Variants in CSMD1 observed in about 807,000 individuals in gnomAD.
CSMD1 encodes CUB and sushi domain-containing protein 1.
CSMD1 carries 213 observed loss-of-function variants against 417.5 expected under a neutral mutation model. The observed-to-expected ratio is 0.51, with a 90% confidence interval of 0.46 to 0.57. The LOEUF (loss-of-function observed/expected upper bound fraction) is 0.57, where lower values mean the gene tolerates loss of function less well. Ranked by LOEUF, CSMD1 falls within the 20% of genes least tolerant of loss-of-function variation. The probability of loss-of-function intolerance (pLI) is 0.00; values close to 1 mark genes in which losing one functional copy is unlikely to be tolerated. For missense variants in CSMD1, 6,923 were observed against 4,529.7 expected, an observed-to-expected ratio of 1.53 and a Z score of -15.17; for synonymous variants, 2,862 against 1,736.8, an observed-to-expected ratio of 1.65 and a Z score of -16.11.
At chr8:3,119,424 C>G (rs557068341) in intron 41 of CSMD1, among the ~76,000 whole-genome samples, 29 of 134,382 alleles carry the variant, frequency 2.2e-4, no homozygotes, top group Non-Finnish European at 4.2e-4. Flanking sequence ...ACTGTATAAT[C>G]CCTAAGCTGA....
At chr8:3,295,709 T>G (rs1224568721) in intron 25 of CSMD1, among the ~76,000 whole-genome samples, 1 of 152,186 alleles carries the variant, frequency 6.6e-6, no homozygotes, top group Non-Finnish European at 1.5e-5. Flanking sequence ...GCCCTTGTTT[T>G]ATTATATCTT....
intron 5 of CSMD1, among the ~76,000 whole-genome samples, chr8:3,838,534 A>T (rs1220309623): frequency 7.7e-6 from 1 of 130,034 alleles, no homozygotes; most frequent in Non-Finnish European, 1.6e-5. Context: ...CTATATATAT[A>T]GTCTATATAT....
intron 5 of CSMD1, among the ~76,000 whole-genome samples, chr8:3,834,321 G>C (rs1014364841): frequency 3.3e-5 from 5 of 152,026 alleles, no homozygotes; most frequent in African/African-American, 4.8e-5. Context: ...CTGTGGATGT[G>C]GCTTACTCAC....
At chr8:3,448,149 G>A (rs930538647) in intron 12 of CSMD1, among the ~76,000 whole-genome samples, 1 of 150,936 alleles carries the variant, frequency 6.6e-6, no homozygotes. Context: ...GAGGGATACA[G>A]GGAGCCTGAA....
At chr8:3,114,825 C>T (rs527330909) in intron 42 of CSMD1, among the ~76,000 whole-genome samples, 5 of 152,208 alleles carry the variant, frequency 3.3e-5, no homozygotes, top group African/African-American at 1.2e-4. Flanking sequence ...TAGCTGCTTG[C>T]ATTTCTCATG....
intron 2 of CSMD1, among the ~76,000 whole-genome samples, chr8:4,493,791 A>G (rs565893557): frequency 1.4e-4 from 21 of 152,324 alleles, no homozygotes; most frequent in African/African-American, 5.1e-4. Flanking sequence ...AATAGTATTT[A>G]CTAAGCTGAG....
At chr8:4,768,517 G>A (rs531144160) in intron 1 of CSMD1, among the ~76,000 whole-genome samples, 2 of 152,316 alleles carry the variant, frequency 1.3e-5, no homozygotes, top group South Asian at 4.1e-4. Context: ...TATTTGGGAT[G>A]AAACTCTGTG....
chr8:4,064,696 C>A (rs1392135326), intron 3 of CSMD1, among the ~76,000 whole-genome samples: 1 of 152,178 alleles, frequency 6.6e-6, no homozygotes, highest in African/African-American at 2.4e-5. Flanking sequence ...GCTGCCCTGG[C>A]GTGTTGGTCA....
At chr8:3,389,289 C>T (rs562581919) in intron 17 of CSMD1, among the ~76,000 whole-genome samples, 1 of 152,078 alleles carries the variant, frequency 6.6e-6, no homozygotes, top group South Asian at 2.1e-4. Flanking sequence ...CTCTGATAGG[C>T]CCCAGTGTGT....
chr8:4,622,881 A>G (rs1232691990), intron 2 of CSMD1, among the ~76,000 whole-genome samples: 3 of 152,186 alleles, frequency 2.0e-5, no homozygotes, highest in Admixed American at 6.6e-5. Flanking sequence ...AATCTTTAAA[A>G]CAACTACTAA....
chr8:3,543,100 G>C (rs542120139), intron 10 of CSMD1, among the ~76,000 whole-genome samples: 1 of 152,268 alleles, frequency 6.6e-6, no homozygotes, highest in African/African-American at 2.4e-5. Context: ...TTCATGCATC[G>C]TGAGCAAATC....
At chr8:2,987,335 T>C (rs539763592) in intron 54 of CSMD1, among the ~76,000 whole-genome samples, 1 of 150,696 alleles carries the variant, frequency 6.6e-6, no homozygotes, top group South Asian at 2.1e-4. Flanking sequence ...GAATTATATG[T>C]AAGCTTATGT....
Position 4,925,715 on chromosome 8 carries a change from T to G in CSMD1, c.85+68617A>C, listed in dbSNP as rs374831365. On this transcript the variant is annotated intron_variant, in intron 1 of 69. Coordinates refer to ENST00000635120, the MANE Select transcript of CSMD1 (RefSeq NM_033225.6). ...GCGCCCGCCACCACGCAGGGCTAAT[T>G]TTTTTGTATTTTTAGTAGAGACGGG... is the stretch of plus-strand genomic sequence containing the variant. 1.4e-4 allele frequency among the ~76,000 whole-genome samples: 21 copies of G among 151,906 alleles called. No individual in the cohort carries two copies. In the East Asian group the frequency reaches 3.5e-3, roughly 25 times the overall value.
intron 43 of CSMD1, among the ~76,000 whole-genome samples, chr8:3,109,194 G>C (rs745632270): frequency 2.6e-5 from 4 of 152,222 alleles, no homozygotes; most frequent in African/African-American, 4.8e-5. Context: ...GAACCCAGGA[G>C]GCGCTGGTTC....
intron 3 of CSMD1, among the ~76,000 whole-genome samples, chr8:4,264,734 G>A (rs1804129886): frequency 2.6e-5 from 4 of 152,090 alleles, no homozygotes; most frequent in Admixed American, 2.6e-4. Context: ...CCAGGGGTAG[G>A]GAACATCCTC....
chr8:4,557,662 G>C (rs1467235174), intron 2 of CSMD1, among the ~76,000 whole-genome samples: 1 of 151,922 alleles, frequency 6.6e-6, no homozygotes, highest in East Asian at 1.9e-4. Context: ...AAATAAGAAA[G>C]AAAGGAAGCA....
At chr8:3,955,048 G>A (rs954873532) in intron 5 of CSMD1, among the ~76,000 whole-genome samples, 2 of 152,314 alleles carry the variant, frequency 1.3e-5, no homozygotes, top group South Asian at 4.1e-4. Flanking sequence ...CATTTTCAAA[G>A]AGGCAATGCG....
intron 40 of CSMD1, among the ~76,000 whole-genome samples, chr8:3,148,097 T>G (rs1301701828): frequency 6.6e-6 from 1 of 152,192 alleles, no homozygotes; most frequent in Non-Finnish European, 1.5e-5. Flanking sequence ...TTCTGAGTTG[T>G]AACCACAGGA....
chr8:3,631,795 C>T (rs777202364), intron 7 of CSMD1, among the ~76,000 whole-genome samples: 1 of 152,132 alleles, frequency 6.6e-6, no homozygotes, highest in Non-Finnish European at 1.5e-5. Flanking sequence ...TGGGATTTCT[C>T]TGCCTTAGGC....
Sources: gnomAD v4.1 joint callset for allele counts (sites outside exome capture counted in the v4.1 genomes callset) on GRCh38, gnomAD v4.1.1 for gene constraint, MANE v1.5 for transcripts, NCBI Gene and HGNC (gene_info 2026-07-23, HGNC 2026-07-21) for gene names.